Variants in STXBP2 observed in about 807,000 individuals in gnomAD.
The protein encoded by STXBP2 is syntaxin-binding protein 2.
In STXBP2, 47 loss-of-function variants were observed where a neutral mutation model predicts 72.2. The observed-to-expected ratio is 0.65, with a 90% CI of 0.51 to 0.83. STXBP2 has a LOEUF of 0.83. Ranked by LOEUF, STXBP2 falls within the 40% of genes least tolerant of loss-of-function variation. STXBP2 has a pLI of 0.00. For missense variants in STXBP2, 702 were observed against 807.6 expected, an observed-to-expected ratio of 0.87 and a Z score of 1.58; for synonymous variants, 367 against 338.7, an observed-to-expected ratio of 1.08 and a Z score of -0.92.
At chr19:7,629,796 T>A in the STXBP2 span, 13 of 1,536,800 alleles carry the variant, frequency 8.5e-6, no homozygotes, top group African/African-American at 1.8e-4. Context: ...GAGGGTCGGC[T>A]TTGGGCGGAA....
chr19:7,641,492 G>T (rs1179484736), intron 6 of STXBP2, among the ~76,000 whole-genome samples: 2 of 152,206 alleles, frequency 1.3e-5, no homozygotes, highest in East Asian at 1.9e-4. Context: ...CCGCGGGGTT[G>T]TCCAGCCAGC....
chr19:7,631,127 G>T, the STXBP2 span: 2 of 824,164 alleles, frequency 2.4e-6, no homozygotes, highest in Non-Finnish European at 3.6e-6. Flanking sequence ...AGAATCACTT[G>T]AACCCAGGAG....
intron 7 of STXBP2, 41 bp from the exon 8 acceptor site, chr19:7,641,993 C>T: frequency 6.2e-7 from 1 of 1,612,168 alleles, no homozygotes; most frequent in Non-Finnish European, 8.5e-7. Flanking sequence ...TCCTTGACCC[C>T]ATCCCCTGAT....
chr19:7,638,642 G>A (rs2031662368), intron 1 of STXBP2, 84 bp from the exon 2 acceptor site: 2 of 1,431,768 alleles, frequency 1.4e-6, no homozygotes, highest in Non-Finnish European at 9.8e-7. Flanking sequence ...TAAGATGGGG[G>A]TTCAGCCCCA....
the STXBP2 span, chr19:7,630,023 G>T: frequency 1.1e-6 from 1 of 902,894 alleles, no homozygotes; most frequent in Non-Finnish European, 1.6e-6. Flanking sequence ...GAGAGGGGAC[G>T]CTGGGCTGGG....
intron 3 of STXBP2, 138 bp from the exon 4 acceptor site, chr19:7,639,593 C>T: frequency 1.3e-6 from 1 of 774,212 alleles, no homozygotes; most frequent in Non-Finnish European, 2.2e-6. Flanking sequence ...AGCTGGTGGT[C>T]CCTAAGTGGG....
At chr19:7,631,534 G>T in the STXBP2 span, 3 of 1,535,728 alleles carry the variant, frequency 2.0e-6, no homozygotes, top group African/African-American at 1.4e-5. Flanking sequence ...AAGCTCCTTC[G>T]CGACGCCCAG....
At chr19:7,631,425 G>A in the STXBP2 span, 3 of 1,484,038 alleles carry the variant, frequency 2.0e-6, no homozygotes, top group Admixed American at 4.1e-5. Context: ...CGGCTCTGAG[G>A]TGTGTGCCCC....
chr19:7,637,728 A>G (rs1451775008), intron 1 of STXBP2, among the ~76,000 whole-genome samples: 2 of 152,232 alleles, frequency 1.3e-5, no homozygotes, highest in South Asian at 2.1e-4. Flanking sequence ...TCTTGGGGGA[A>G]GGGTGGAGGG....
Position 7,642,564 on chromosome 19 carries a change from C to G in STXBP2, c.902+28C>G, listed in dbSNP as rs753081270. ...GCGTGCACACGGGGACCGGATCCCCCCCCCACCGCCCACTGTGGGCCTGGT... is the reference window on the plus strand; with the variant it reads ...GCGTGCACACGGGGACCGGATCCCCGCCCCACCGCCCACTGTGGGCCTGGT... On this transcript the variant is annotated intron_variant, in intron 10 of 18. Coordinates refer to ENST00000221283, the MANE Select transcript of STXBP2 (RefSeq NM_006949.4). This position sits in a 1 kb window ranked among gnomAD's most constrained non-coding sequence, Gnocchi z 6.0. 10 of 1,609,982 alleles carry G rather than the reference C, an allele frequency of 6.2e-6. No homozygotes were observed. The highest frequency in any genetic ancestry group is 4.4e-5 in the South Asian group (4 of 91,028).
intron 6 of STXBP2, 31 bp downstream of exon 6, chr19:7,641,034 T>G (rs1599395812): frequency 6.2e-7 from 1 of 1,609,064 alleles, no homozygotes; most frequent in Non-Finnish European, 8.5e-7. Flanking sequence ...GGGCAGGGGG[T>G]GGGGGTTTGT....
intron 6 of STXBP2, chr19:7,641,250 G>T (rs1217420634): frequency 1.8e-6 from 1 of 561,140 alleles, no homozygotes; most frequent in East Asian, 3.3e-5. Context: ...TGCACCTGTA[G>T]TCCTAGCTAC....
At chr19:7,639,992 ATG>A (rs200032449) in intron 4 of STXBP2, 185 bp downstream of exon 4, 12,770 of 709,772 alleles carry the variant, frequency 0.018, 187 homozygotes, top group Middle Eastern at 0.041. Context: ...GCGTGTTTGC[ATG>A]TGTGTCTATG....
chr19:7,635,075 G>T (rs974022317), upstream of STXBP2, among the ~76,000 whole-genome samples: 2 of 152,290 alleles, frequency 1.3e-5, no homozygotes, highest in Non-Finnish European at 1.5e-5. Flanking sequence ...CCTATTGTGG[G>T]GTATTGGGGA....
the STXBP2 span, chr19:7,630,803 T>C: frequency 6.5e-7 from 1 of 1,537,238 alleles, no homozygotes; most frequent in Non-Finnish European, 8.7e-7. Flanking sequence ...TCGTGTCCCA[T>C]TTGTGACTTT....
chr19:7,632,823 G>A, upstream of STXBP2: 1 of 1,550,912 alleles, frequency 6.4e-7, no homozygotes, highest in African/African-American at 1.4e-5. This position sits in a 1 kb window ranked among gnomAD's most constrained non-coding sequence, Gnocchi z 5.2. Context: ...CTGGTCTGGG[G>A]AGCCCGCCTG....
rs757736045 is a variant in STXBP2 at position 7,643,211 on chromosome 19, A to G, written c.1073A>G (p.Lys358Arg). Residue 358 changes from lysine to arginine, a missense_variant, in exon 13 of 19, where the codon AAG becomes AGG. Physicochemically the swap from Lys to Arg is conservative, Grantham distance 26. Coordinates refer to ENST00000221283, the MANE Select transcript of STXBP2 (RefSeq NM_006949.4). ...HLADDCMKHF[K>R]GSVEKLCSVE... Reference sequence around the variant, plus strand: ...GCAGATGATTGTATGAAGCACTTCAAGGGCTCGGTGGAGAAGCTGTGTAGT... The same window carrying G: ...GCAGATGATTGTATGAAGCACTTCAGGGGCTCGGTGGAGAAGCTGTGTAGT... The G allele has an allele frequency of 4.0e-5, 65 of 1,613,792 alleles. No individual in the cohort carries two copies. The South Asian group carries it at 4.7e-4, about 12-fold the overall frequency.
chr19:7,638,288 C>T (rs1170402686), intron 1 of STXBP2, among the ~76,000 whole-genome samples: 1 of 152,186 alleles, frequency 6.6e-6, no homozygotes, highest in African/African-American at 2.4e-5. Context: ...CCCCAGAAGC[C>T]AATTTGCAGA....
chr19:7,646,839 C>T, intron 16 of STXBP2: 1 of 479,130 alleles, frequency 2.1e-6, no homozygotes, highest in Non-Finnish European at 3.8e-6. Context: ...ACTGGGTTCC[C>T]CAAAGGGCTG....
Sources: gnomAD v4.1 joint callset for allele counts (sites outside exome capture counted in the v4.1 genomes callset) on GRCh38, gnomAD v4.1.1 for gene constraint, Gnocchi (gnomAD v3.1) non-coding constraint, MANE v1.5 for transcripts, NCBI Gene and HGNC (gene_info 2026-07-23, HGNC 2026-07-21) for gene names.